The following ADAMTSL1 variants were observed in gnomAD, a reference collection of about 807,000 sequenced individuals.
The protein encoded by ADAMTSL1 is ADAMTS like 1.
In ADAMTSL1, 126 loss-of-function variants were observed where a neutral mutation model predicts 201.8. The observed-to-expected ratio is 0.62, with a 90% CI of 0.54 to 0.72. The LOEUF (loss-of-function observed/expected upper bound fraction) is 0.72, where lower values mean the gene tolerates loss of function less well. Ranked by LOEUF, ADAMTSL1 falls within the 30% of genes least tolerant of loss-of-function variation. ADAMTSL1 has a pLI of 0.00. For synonymous variants in ADAMTSL1, 1,121 were observed against 903.4 expected (o/e 1.24, Z -4.32); for missense variants, 2,679 against 2,277.8 (o/e 1.18, Z -3.59).
At chr9:18,431,769 A>G (rs955799248) in intron 2 of ADAMTSL1, among the ~76,000 whole-genome samples, 1 of 151,998 alleles carries the variant, frequency 6.6e-6, no homozygotes, top group Non-Finnish European at 1.5e-5. Flanking sequence ...ATCCTTACCC[A>G]CCTAAATGAG....
chr9:18,777,343 G>C lies in ADAMTSL1; in HGVS notation c.3114G>C (p.Leu1038=). The stretch of plus-strand genomic sequence containing the variant: ...AGCAGGGCGGCTGGCCCGGAGAGCT[G>C]CTGGCCTCGTGGGAGGCGCAGGACT... ...LLEQGGWPGE[L]LASWEAQDSA... The change falls in exon 19 of 29, where the codon CTG becomes CTC. Residue 1038 remains leucine, a synonymous_variant. Transcript: ENST00000380548. 6.2e-7 allele frequency: 1 copy of C among 1,601,740 alleles called. No homozygotes were observed. The highest frequency in any genetic ancestry group is 1.3e-5 in the African/African-American group (1 of 74,836).
chr9:18,359,342 A>C (rs1346331953), intron 2 of ADAMTSL1, among the ~76,000 whole-genome samples: 1 of 152,174 alleles, frequency 6.6e-6, no homozygotes, highest in Non-Finnish European at 1.5e-5. Flanking sequence ...ATGCTGTCCT[A>C]AGAATGTTTG....
chr9:18,075,970 C>T (rs1315864218), intron 1 of ADAMTSL1, among the ~76,000 whole-genome samples: 1 of 152,206 alleles, frequency 6.6e-6, no homozygotes, highest in Non-Finnish European at 1.5e-5. Flanking sequence ...AATAAACACT[C>T]ACCTAAGTAA....
At chr9:17,917,847 T>G (rs1826157971) in intron 1 of ADAMTSL1, among the ~76,000 whole-genome samples, 2 of 152,000 alleles carry the variant, frequency 1.3e-5, no homozygotes, top group African/African-American at 4.8e-5. Context: ...CTTAATTTCT[T>G]GAATAGATAT....
At chr9:18,224,193 A>T (rs1185178500) in intron 2 of ADAMTSL1, among the ~76,000 whole-genome samples, 1 of 152,114 alleles carries the variant, frequency 6.6e-6, no homozygotes, top group Middle Eastern at 3.2e-3. Context: ...GGAGTAATTT[A>T]TAAAGAACAG....
At chr9:18,139,730 A>G (rs1325233632) in intron 1 of ADAMTSL1, among the ~76,000 whole-genome samples, 1 of 152,190 alleles carries the variant, frequency 6.6e-6, no homozygotes, top group African/African-American at 2.4e-5. Flanking sequence ...AAGACAAGAT[A>G]TAGACATGAG....
intron 1 of ADAMTSL1, among the ~76,000 whole-genome samples, chr9:17,930,882 T>C (rs1007605053): frequency 9.9e-5 from 15 of 152,208 alleles, no homozygotes; most frequent in Non-Finnish European, 2.1e-4. Flanking sequence ...ATTCATAATA[T>C]GCGCTGATTA....
At chr9:18,181,012 C>T (rs1276711890) in intron 2 of ADAMTSL1, among the ~76,000 whole-genome samples, 1 of 152,036 alleles carries the variant, frequency 6.6e-6, no homozygotes, top group Non-Finnish European at 1.5e-5. Context: ...CTTTGACAAA[C>T]CTGACAAAAA....
At chr9:18,518,634 T>C (rs898066509) in intron 2 of ADAMTSL1, among the ~76,000 whole-genome samples, 5 of 152,110 alleles carry the variant, frequency 3.3e-5, no homozygotes, top group Admixed American at 2.0e-4. Flanking sequence ...CTTTTTTATA[T>C]AATGATTTCT....
At chr9:18,266,242 C>T (rs1485867504) in intron 2 of ADAMTSL1, among the ~76,000 whole-genome samples, 1 of 152,152 alleles carries the variant, frequency 6.6e-6, no homozygotes, top group African/African-American at 2.4e-5. Context: ...AACTTTTTCA[C>T]CTAGGTGAAC....
rs144137851 is a variant in ADAMTSL1, at chr9:18,622,359, C to T, written c.591C>T (p.Ser197=). ...LVRGQYKSQL[S]ATKSDDTVVA... ...GAGGGCAGTATAAATCCCAGCTCTCCGCAACCAAATGTAAGACACACAGAG... is the reference window on the plus strand; with the variant it reads ...GAGGGCAGTATAAATCCCAGCTCTCTGCAACCAAATGTAAGACACACAGAG... Residue 197 remains serine, a synonymous_variant, in exon 5 of 29, where the codon TCC becomes TCT. Coordinates refer to ENST00000380548, the MANE Select transcript of ADAMTSL1 (RefSeq NM_001040272.6). 284 of 1,614,002 alleles carry T rather than the reference C, an allele frequency of 1.8e-4. 1 individual carries two copies. The Middle Eastern group carries it at 5.3e-3, about 30-fold the overall frequency.
At chr9:18,664,732 C>A (rs1290447074) in intron 9 of ADAMTSL1, among the ~76,000 whole-genome samples, 1 of 151,988 alleles carries the variant, frequency 6.6e-6, no homozygotes, top group African/African-American at 2.4e-5. Flanking sequence ...TCATTGACAG[C>A]AAAAACCGCA....
chr9:18,354,322 C>A (rs1010355033), intron 2 of ADAMTSL1, among the ~76,000 whole-genome samples: 1 of 151,894 alleles, frequency 6.6e-6, no homozygotes, highest in African/African-American at 2.4e-5. Flanking sequence ...ACATCTTTAT[C>A]TCTATCCCTG....
At chr9:18,191,245 C>G (rs1248449348) in intron 2 of ADAMTSL1, among the ~76,000 whole-genome samples, 1 of 152,084 alleles carries the variant, frequency 6.6e-6, no homozygotes, top group African/African-American at 2.4e-5. Flanking sequence ...CTTGACCTTC[C>G]CCTGTTCCTA....
At chr9:18,236,452 G>T (rs1378310305) in intron 2 of ADAMTSL1, among the ~76,000 whole-genome samples, 2 of 152,226 alleles carry the variant, frequency 1.3e-5, no homozygotes, top group African/African-American at 2.4e-5. Flanking sequence ...CCGGGACCCA[G>T]TTGAGTATGT....
At chr9:18,538,452 C>T (rs557659814) in intron 3 of ADAMTSL1, among the ~76,000 whole-genome samples, 15 of 152,146 alleles carry the variant, frequency 9.9e-5, no homozygotes, top group African/African-American at 3.6e-4. Flanking sequence ...TCAAAGGTCC[C>T]GTCCACCTCT....
At position 18,681,698 on chromosome 9, in the gene ADAMTSL1, G is replaced by GA; in HGVS notation, c.1342-114_1342-113insA. The GA allele has an allele frequency of 4.0e-5, 13 of 322,684 alleles. No homozygotes were observed. In the East Asian group the frequency reaches 6.9e-4, roughly 17 times the overall value. 20.0% of individuals were successfully genotyped at this position (322,684 alleles called of 1,614,324 possible). A position where few individuals can be genotyped will look rare whatever the true frequency, so the allele number is the denominator to read the frequency against. ...ATAAATTTACCAGGAGTCCTCGTGT[G>GA]GGGGGGGGGGGCGGGGAAAAAGAAA... On this transcript the variant is annotated intron_variant, in intron 11 of 28. Coordinates refer to ENST00000380548, the MANE Select transcript of ADAMTSL1 (RefSeq NM_001040272.6).
rs147250460 is a variant in ADAMTSL1, at chr9:18,871,729, C to G, written c.4250-16102C>G. Among the ~76,000 whole-genome samples the G allele has an allele frequency of 1.5e-3, 222 of 152,318 alleles. 1 individual carries two copies. The highest frequency in any genetic ancestry group is 4.9e-3 in the African/African-American group (205 of 41,584). On this transcript the variant is annotated intron_variant, in intron 23 of 28. Coordinates refer to ENST00000380548, the MANE Select transcript of ADAMTSL1 (RefSeq NM_001040272.6). The stretch of plus-strand genomic sequence containing the variant: ...CACTCGTGTTCCAAACTCTTTAGCT[C>G]TTATTTGCATCCTCCCCTTTCTTCC...
At chr9:18,082,371 G>A (rs957173073) in intron 1 of ADAMTSL1, among the ~76,000 whole-genome samples, 3 of 152,084 alleles carry the variant, frequency 2.0e-5, no homozygotes, top group South Asian at 2.1e-4. Context: ...GTACAATGAC[G>A]TGATCTCAGC....
Sources: allele counts gnomAD v4.1 joint callset (sites outside exome capture counted in the v4.1 genomes callset), GRCh38; gene constraint gnomAD v4.1.1; transcripts MANE v1.5; gene names NCBI Gene and HGNC (gene_info 2026-07-23, HGNC 2026-07-21).